The following CNOT6L variants were observed in gnomAD, a reference collection of about 807,000 sequenced individuals.
CNOT6L encodes the protein CCR4-NOT transcription complex subunit 6-like.
A neutral mutation model predicts 64.0 loss-of-function variants in CNOT6L; 7 were observed. That is an observed-to-expected ratio of 0.11 (90% CI 0.06 to 0.21). The LOEUF (loss-of-function observed/expected upper bound fraction) is 0.21. Ranked by LOEUF, CNOT6L falls within the 10% of genes least tolerant of loss-of-function variation. The pLI, the probability that CNOT6L is intolerant of heterozygous loss-of-function variation, is 1.00. For synonymous variants in CNOT6L, 193 were observed against 243.4 expected, an observed-to-expected ratio of 0.79 and a Z score of 1.93; for missense variants, 245 against 669.0, an observed-to-expected ratio of 0.37 and a Z score of 6.99.
intron 1 of CNOT6L, among the ~76,000 whole-genome samples, chr4:77,790,821 T>TC (rs1328904840): frequency 6.6e-6 from 1 of 151,484 alleles, no homozygotes; most frequent in Admixed American, 6.6e-5. Flanking sequence ...GCTGATTTTT[T>TC]TTTTTTTTTT....
chr4:77,748,784 A>G (rs1479232594), intron 5 of CNOT6L, among the ~76,000 whole-genome samples: 3 of 152,208 alleles, frequency 2.0e-5, no homozygotes, highest in Admixed American at 1.3e-4. Flanking sequence ...TTAAAACAGA[A>G]AAAAGTACAT....
chr4:77,722,292 G>A (rs930137977), intron 11 of CNOT6L, among the ~76,000 whole-genome samples: 2 of 151,902 alleles, frequency 1.3e-5, no homozygotes, highest in African/African-American at 4.8e-5. Context: ...AGTGGCTCAT[G>A]CCTGATGCCT....
At chr4:77,751,040 C>A (rs1176779706) in intron 5 of CNOT6L, among the ~76,000 whole-genome samples, 2 of 152,202 alleles carry the variant, frequency 1.3e-5, no homozygotes, top group Non-Finnish European at 2.9e-5. Flanking sequence ...AAAATCACAA[C>A]TTAAGTGTTA....
At chr4:77,814,393 T>A (rs1192516402) in intron 1 of CNOT6L, among the ~76,000 whole-genome samples, 2 of 152,114 alleles carry the variant, frequency 1.3e-5, no homozygotes, top group Non-Finnish European at 2.9e-5. Context: ...ATAAAAGTTG[T>A]CCAAAAAAAA....
At chr4:77,806,550 T>C (rs748098046) in intron 1 of CNOT6L, among the ~76,000 whole-genome samples, 1 of 152,218 alleles carries the variant, frequency 6.6e-6, no homozygotes, top group Non-Finnish European at 1.5e-5. Flanking sequence ...GCAGTATCTA[T>C]TAATCAAAAC....
chr4:77,818,737 C>T (rs6829203), intron 1 of CNOT6L, among the ~76,000 whole-genome samples: 120,255 of 151,970 alleles, frequency 0.79, 48,369 homozygotes, highest in Non-Finnish European at 0.86. Flanking sequence ...TGCCCAGGCC[C>T]GAGGCAGCGC....
chr4:77,799,349 C>T (rs998966706), intron 1 of CNOT6L, among the ~76,000 whole-genome samples: 1 of 152,146 alleles, frequency 6.6e-6, no homozygotes, highest in Non-Finnish European at 1.5e-5. Flanking sequence ...GAGGTTGAGG[C>T]TGCAGTGAAC....
chr4:77,724,578 TGCAGTGA>T (rs1480574644), intron 11 of CNOT6L, among the ~76,000 whole-genome samples: 1 of 147,562 alleles, frequency 6.8e-6, no homozygotes, highest in Non-Finnish European at 1.5e-5. Context: ...AGTTTCAGGC[TGCAGTGA>T]GCAAAAATCT....
At chr4:77,756,765 C>A in intron 5 of CNOT6L, 97 bp downstream of exon 5, 1 of 689,184 alleles carries the variant, frequency 1.5e-6, no homozygotes, top group Non-Finnish European at 2.4e-6. Context: ...AACCCATAGG[C>A]AATTATAAAA....
chr4:77,755,990 A>G (rs1386814322), intron 5 of CNOT6L, among the ~76,000 whole-genome samples: 2 of 150,476 alleles, frequency 1.3e-5, no homozygotes, highest in Non-Finnish European at 3.0e-5. Context: ...TGTTTTTAAT[A>G]TATATTTTTT....
intron 1 of CNOT6L, among the ~76,000 whole-genome samples, chr4:77,797,750 G>C (rs551659606): frequency 6.6e-6 from 1 of 152,252 alleles, no homozygotes; most frequent in Admixed American, 6.5e-5. Context: ...TGTGAAGAAG[G>C]AAACAGAAAT....
intron 8 of CNOT6L, among the ~76,000 whole-genome samples, chr4:77,741,344 T>C (rs553180534): frequency 4.6e-5 from 7 of 152,284 alleles, no homozygotes; most frequent in South Asian, 4.1e-4. Flanking sequence ...TTTGGTAAAA[T>C]AGATGTAAAA....
At chr4:77,766,946 C>CCAGCTA (rs1322919644) in intron 4 of CNOT6L, among the ~76,000 whole-genome samples, 1 of 150,498 alleles carries the variant, frequency 6.6e-6, no homozygotes, top group East Asian at 1.9e-4. Context: ...GCCTGTAATC[C>CCAGCTA]CAGCTACTCA....
chr4:77,733,010 G>A (rs1465729281), intron 8 of CNOT6L, among the ~76,000 whole-genome samples: 1 of 152,082 alleles, frequency 6.6e-6, no homozygotes, highest in East Asian at 1.9e-4. Flanking sequence ...AAATCAAGAG[G>A]AGTGAGCAGT....
Position 77,808,316 on chromosome 4 carries a change from G to T in CNOT6L, c.5+10988C>A, listed in dbSNP as rs1399375710. Among the ~76,000 whole-genome samples, 3 of 151,848 alleles carry T rather than the reference G, an allele frequency of 2.0e-5. No individual in the cohort carries two copies. In the East Asian group the frequency reaches 5.8e-4, roughly 29 times the overall value. ...ATCTCCACTAAAAATACAAAAATTAGCCGGGTGTGGTGGTGTGCGCCTGTA... is the reference window on the plus strand; with the variant it reads ...ATCTCCACTAAAAATACAAAAATTATCCGGGTGTGGTGGTGTGCGCCTGTA... On this transcript the variant is annotated intron_variant, in intron 1 of 11. Transcript: ENST00000504123.
chr4:77,720,888 C>CT (rs1042833081), intron 11 of CNOT6L, among the ~76,000 whole-genome samples: 1 of 152,054 alleles, frequency 6.6e-6, no homozygotes, highest in African/African-American at 2.4e-5. Context: ...ATTTGAGAAG[C>CT]TAAACACATT....
At chr4:77,804,249 G>C (rs891275720) in intron 1 of CNOT6L, among the ~76,000 whole-genome samples, 3 of 151,948 alleles carry the variant, frequency 2.0e-5, no homozygotes, top group African/African-American at 4.8e-5. Context: ...CCAACATGGT[G>C]AAACACCGTC....
chr4:77,753,975 A>G lies in CNOT6L; in HGVS notation c.490+2887T>C, dbSNP rs188001447. Among the ~76,000 whole-genome samples, 5 of 151,890 alleles carry G rather than the reference A, an allele frequency of 3.3e-5. No homozygotes were observed. In the East Asian group the frequency reaches 7.7e-4, roughly 23 times the overall value. On this transcript the variant is annotated intron_variant, in intron 5 of 11. Coordinates refer to ENST00000504123, the MANE Select transcript of CNOT6L (RefSeq NM_144571.3). ...TTCCTTCATCTGATGAAGTTTATCT[A>G]TACAAAAACTACAGTGAATATGATA...
chr4:77,721,576 T>C (rs993380883), intron 11 of CNOT6L, among the ~76,000 whole-genome samples: 1 of 152,206 alleles, frequency 6.6e-6, no homozygotes, highest in Non-Finnish European at 1.5e-5. Context: ...ATAAAAACTT[T>C]TAATGAAAAC....
Sources: gnomAD v4.1 joint callset for allele counts (sites outside exome capture counted in the v4.1 genomes callset) on GRCh38, gnomAD v4.1.1 for gene constraint, MANE v1.5 for transcripts, NCBI Gene and HGNC (gene_info 2026-07-23, HGNC 2026-07-21) for gene names.